GRM8: variants seen among roughly 807,000 people sequenced by gnomAD.
GRM8 encodes glutamate metabotropic receptor 8.
A neutral mutation model predicts 87.2 loss-of-function variants in GRM8; 47 were observed. The observed-to-expected ratio is 0.54, with a 90% CI of 0.43 to 0.69. The LOEUF is 0.69. Ranked by LOEUF, GRM8 falls within the 30% of genes least tolerant of loss-of-function variation. The pLI, the probability that GRM8 is intolerant of heterozygous loss-of-function variation, is 0.00. For missense variants in GRM8, 1,019 were observed against 1,139.2 expected, an observed-to-expected ratio of 0.89 and a Z score of 1.52; for synonymous variants, 396 against 404.5, an observed-to-expected ratio of 0.98 and a Z score of 0.25.
At chr7:127,058,072 C>G (rs765497322) in intron 3 of GRM8, 1 of 460,554 alleles carries the variant, frequency 2.2e-6, no homozygotes, top group Non-Finnish European at 4.5e-6. Context: ...CTTCTGGAAT[C>G]ACGTCTTTAA....
intron 3 of GRM8, among the ~76,000 whole-genome samples, chr7:126,905,928 T>C (rs745562264): frequency 3.3e-5 from 5 of 152,176 alleles, no homozygotes; most frequent in Non-Finnish European, 7.4e-5. Context: ...TCATGGCCTA[T>C]GGTAGAGACT....
chr7:126,748,957 C>T (rs1234697274), intron 7 of GRM8, among the ~76,000 whole-genome samples: 5 of 151,990 alleles, frequency 3.3e-5, no homozygotes, highest in Non-Finnish European at 7.4e-5. Context: ...TCAAGCTTCA[C>T]CTCTTATCAT....
At chr7:127,194,405 AG>A (rs1657068290) in intron 2 of GRM8, among the ~76,000 whole-genome samples, 1 of 152,202 alleles carries the variant, frequency 6.6e-6, no homozygotes, top group Middle Eastern at 3.2e-3. Flanking sequence ...GTGTCAGATT[AG>A]GTTATCTTCT....
chr7:126,828,258 T>A (rs1795014654), intron 6 of GRM8, among the ~76,000 whole-genome samples: 1 of 152,222 alleles, frequency 6.6e-6, no homozygotes, highest in African/African-American at 2.4e-5. Context: ...CCTCTTTTTC[T>A]ATTGATTAGA....
chr7:126,487,562 C>T (rs1395089131), intron 9 of GRM8, among the ~76,000 whole-genome samples: 2 of 151,808 alleles, frequency 1.3e-5, no homozygotes. Context: ...ATGACCTTTC[C>T]CTATACTATT....
At chr7:126,874,692 A>C (rs2130930193) in intron 6 of GRM8, among the ~76,000 whole-genome samples, 1 of 152,138 alleles carries the variant, frequency 6.6e-6, no homozygotes, top group Admixed American at 6.5e-5. Context: ...ATCCCAAACC[A>C]TGTCTGTCTC....
At chr7:126,750,888 T>C (rs1816339189) in intron 7 of GRM8, among the ~76,000 whole-genome samples, 1 of 152,104 alleles carries the variant, frequency 6.6e-6, no homozygotes, top group Admixed American at 6.6e-5. Context: ...ACCATAGTAA[T>C]TACCTTAATC....
At chr7:126,974,335 A>G (rs950173524) in intron 3 of GRM8, among the ~76,000 whole-genome samples, 1 of 152,214 alleles carries the variant, frequency 6.6e-6, no homozygotes, top group African/African-American at 2.4e-5. Context: ...AAGTAGATTT[A>G]GTTGCCTGCT....
chr7:126,840,243 C>A (rs1796151563), intron 6 of GRM8, among the ~76,000 whole-genome samples: 1 of 152,076 alleles, frequency 6.6e-6, no homozygotes, highest in Non-Finnish European at 1.5e-5. Context: ...AATTTCCAAG[C>A]AAATATTTTT....
At chr7:126,913,690 C>T (rs1271855343) in intron 3 of GRM8, among the ~76,000 whole-genome samples, 2 of 152,048 alleles carry the variant, frequency 1.3e-5, no homozygotes, top group African/African-American at 4.8e-5. Context: ...GTAATTGGTC[C>T]TTTAGTGGTA....
chr7:126,655,282 AC>A (rs1234883427), intron 7 of GRM8, among the ~76,000 whole-genome samples: 2 of 152,170 alleles, frequency 1.3e-5, no homozygotes, highest in Non-Finnish European at 1.5e-5. Flanking sequence ...GTTCCATACC[AC>A]CATCTTCTCT....
At chr7:126,524,932 A>C (rs960656205) in intron 9 of GRM8, among the ~76,000 whole-genome samples, 1 of 152,150 alleles carries the variant, frequency 6.6e-6, no homozygotes, top group Non-Finnish European at 1.5e-5. Context: ...ATTGTTTTTT[A>C]AGAACATTTT....
chr7:126,454,189 G>GTATCTC (rs1248478262), intron 9 of GRM8, among the ~76,000 whole-genome samples: 2 of 151,790 alleles, frequency 1.3e-5, no homozygotes, highest in African/African-American at 4.8e-5. Flanking sequence ...ATATTTTAAA[G>GTATCTC]TATCTCTATC....
At chr7:127,217,374 T>A (rs1223976164) in intron 2 of GRM8, among the ~76,000 whole-genome samples, 1 of 152,162 alleles carries the variant, frequency 6.6e-6, no homozygotes, top group Non-Finnish European at 1.5e-5. Flanking sequence ...TGGAAGTTAC[T>A]GGCAGGCATG....
intron 3 of GRM8, among the ~76,000 whole-genome samples, chr7:126,982,975 C>A (rs1219394446): frequency 6.6e-6 from 1 of 152,106 alleles, no homozygotes. Context: ...TCCTATATTC[C>A]CTGCATACCC....
chr7:126,645,407 C>A (rs1331718798), intron 7 of GRM8, among the ~76,000 whole-genome samples: 1 of 152,228 alleles, frequency 6.6e-6, no homozygotes, highest in Non-Finnish European at 1.5e-5. Context: ...GAGGAAGACT[C>A]AGCACACAAA....
chr7:126,478,517 T>C (rs981445061), intron 9 of GRM8, among the ~76,000 whole-genome samples: 15 of 152,100 alleles, frequency 9.9e-5, no homozygotes, highest in Non-Finnish European at 1.8e-4. Context: ...GTAAATAATC[T>C]ATTTAATTTT....
chr7:126,828,353 T>C (rs1052346650), intron 6 of GRM8, among the ~76,000 whole-genome samples: 29 of 152,254 alleles, frequency 1.9e-4, no homozygotes, highest in African/African-American at 5.1e-4. Context: ...GGACTCTTTT[T>C]GGTTGGTAAG....
intron 3 of GRM8, among the ~76,000 whole-genome samples, chr7:127,005,415 G>A (rs1814184790): frequency 6.6e-6 from 1 of 151,510 alleles, no homozygotes; most frequent in African/African-American, 2.4e-5. Flanking sequence ...GACAATATGT[G>A]TCTTTTTAGG....
Sources: allele counts gnomAD v4.1 joint callset (sites outside exome capture counted in the v4.1 genomes callset), GRCh38; gene constraint gnomAD v4.1.1; transcripts MANE v1.5; gene names NCBI Gene and HGNC (gene_info 2026-07-23, HGNC 2026-07-21).